The following GAREM1 variants were observed in gnomAD, a reference collection of about 807,000 sequenced individuals.
GAREM1 encodes the protein GRB2-associated and regulator of MAPK protein 1.
In GAREM1, 26 loss-of-function variants were observed where a neutral mutation model predicts 71.3. The observed-to-expected ratio is 0.36, with a 90% CI of 0.27 to 0.51. GAREM1 has a LOEUF of 0.51. Among genes scored for constraint, GAREM1 ranks in the 20% least tolerant of loss-of-function variants. The probability of loss-of-function intolerance (pLI) is 0.95; values close to 1 mark genes in which losing one functional copy is unlikely to be tolerated. For missense variants in GAREM1, 1,026 were observed against 1,103.1 expected, an observed-to-expected ratio of 0.93 and a Z score of 0.99; for synonymous variants, 440 against 433.2, an observed-to-expected ratio of 1.02 and a Z score of -0.20.
intron 2 of GAREM1, among the ~76,000 whole-genome samples, 167 bp from the exon 3 acceptor site, chr18:32,310,490 A>G (rs1460813803): frequency 6.6e-6 from 1 of 152,200 alleles, no homozygotes; most frequent in Non-Finnish European, 1.5e-5. Flanking sequence ...AAACTAGAAG[A>G]TAGATAGATT....
At chr18:32,320,646 T>C (rs2047420039) in intron 2 of GAREM1, among the ~76,000 whole-genome samples, 1 of 152,214 alleles carries the variant, frequency 6.6e-6, no homozygotes, top group African/African-American at 2.4e-5. Flanking sequence ...TGAGATTTTA[T>C]AAAGCAAGTG....
At chr18:32,332,664 AC>A (rs1485974004) in intron 2 of GAREM1, among the ~76,000 whole-genome samples, 1 of 152,088 alleles carries the variant, frequency 6.6e-6, no homozygotes, top group Non-Finnish European at 1.5e-5. Flanking sequence ...CCTGCCTATC[AC>A]CAAGCCCACC....
intron 3 of GAREM1, among the ~76,000 whole-genome samples, chr18:32,295,678 T>C (rs1271146987): frequency 6.6e-6 from 1 of 152,254 alleles, no homozygotes; most frequent in African/African-American, 2.4e-5. Context: ...TCAACAACAG[T>C]ACTATAAAAA....
chr18:32,314,877 G>A (rs762713439), intron 2 of GAREM1, among the ~76,000 whole-genome samples: 5 of 152,088 alleles, frequency 3.3e-5, no homozygotes, highest in African/African-American at 4.8e-5. Flanking sequence ...GTGAGCCACC[G>A]CGCCCTGCCA....
intron 2 of GAREM1, among the ~76,000 whole-genome samples, chr18:32,379,465 G>T (rs1484750562): frequency 2.4e-5 from 3 of 127,222 alleles, no homozygotes; most frequent in East Asian, 3.0e-4. Flanking sequence ...GAGGCCGGGG[G>T]GGGTGGGGGG....
At chr18:32,441,881 C>G (rs1205938149) in intron 1 of GAREM1, among the ~76,000 whole-genome samples, 1 of 152,178 alleles carries the variant, frequency 6.6e-6, no homozygotes, top group Non-Finnish European at 1.5e-5. Context: ...CCTACCAAGT[C>G]CCTTGGAAGG....
intron 1 of GAREM1, among the ~76,000 whole-genome samples, chr18:32,434,977 G>A (rs929934480): frequency 6.6e-6 from 1 of 152,068 alleles, no homozygotes; most frequent in African/African-American, 2.4e-5. Context: ...TTGACATCAC[G>A]TATCCCTAAC....
chr18:32,273,838 T>C (rs763879858), intron 4 of GAREM1, among the ~76,000 whole-genome samples: 1 of 152,150 alleles, frequency 6.6e-6, no homozygotes, highest in African/African-American at 2.4e-5. Flanking sequence ...TCTGTTGTGA[T>C]GGGAGGGCAG....
At chr18:32,438,645 G>A (rs555765257) in intron 1 of GAREM1, among the ~76,000 whole-genome samples, 48 of 152,284 alleles carry the variant, frequency 3.2e-4, no homozygotes, top group African/African-American at 1.1e-3. Flanking sequence ...AACTTGGGCT[G>A]ATTTATAAGT....
chr18:32,442,174 T>G (rs1266175152), intron 1 of GAREM1, among the ~76,000 whole-genome samples: 5 of 152,172 alleles, frequency 3.3e-5, no homozygotes, highest in African/African-American at 1.2e-4. Flanking sequence ...TATGGCTTGA[T>G]ACAATGCCCA....
intron 2 of GAREM1, among the ~76,000 whole-genome samples, chr18:32,333,464 T>C (rs1228907911): frequency 1.3e-5 from 2 of 152,132 alleles, no homozygotes; most frequent in South Asian, 2.1e-4. Context: ...AGCTGTTATG[T>C]CAGAAGCCAA....
chr18:32,438,769 T>G lies in GAREM1; in HGVS notation c.121+31539A>C, dbSNP rs143207559. Among the ~76,000 whole-genome samples, 570 of 152,342 alleles carry G rather than the reference T, an allele frequency of 3.7e-3. 3 individuals are homozygous for G. The highest frequency in any genetic ancestry group is 0.013 in the African/African-American group (555 of 41,568). The stretch of plus-strand genomic sequence containing the variant: ...ATAACATTACCTTCCGAGATTGCTT[T>G]CAAGATATAGGACTGCTAAGAAACA... On this transcript the variant is annotated intron_variant, in intron 1 of 5. Transcript: ENST00000269209.
At position 32,268,184 on chromosome 18, in the gene GAREM1, A is replaced by G. The variant is rs1173879657; in HGVS notation, c.2318T>C (p.Met773Thr). Residue 773 changes from methionine to threonine, a missense_variant, in exon 6 of 6, where the codon ATG becomes ACG. By Grantham distance (81) the Met-to-Thr change is moderately conservative. This residue lies in a region of GAREM1 where 636 missense variants were observed against 631.2 expected (regional missense o/e 1.01). Coordinates refer to ENST00000269209, the MANE Select transcript of GAREM1 (RefSeq NM_001242409.2). ...GTAGGAGGCAGAGAAGATGTCCTGC[A>G]TGCCCTTTTTAACAAAATACTGGTC... The part of the protein sequence containing the change: ...SEDQYFVKKG[M>T]QDIFSASYPF... 2 of 1,614,008 alleles carry G rather than the reference A, an allele frequency of 1.2e-6. No individual in the cohort carries two copies. Among genetic ancestry groups the G allele is most frequent in the East Asian group, 2.2e-5 (1 of 44,892 alleles).
chr18:32,308,045 C>G (rs1419843651), intron 3 of GAREM1, among the ~76,000 whole-genome samples: 1 of 152,132 alleles, frequency 6.6e-6, no homozygotes, highest in Non-Finnish European at 1.5e-5. Context: ...TTTAATGATT[C>G]ATGCAAGCTA....
At chr18:32,432,954 T>G in intron 1 of GAREM1, among the ~76,000 whole-genome samples, 1 of 152,004 alleles carries the variant, frequency 6.6e-6, no homozygotes, top group African/African-American at 2.4e-5. Flanking sequence ...GGGCCAGCAT[T>G]ACCATGTTAC....
At chr18:32,270,070 C>T in intron 5 of GAREM1, 147 bp downstream of exon 5, 6 of 863,388 alleles carry the variant, frequency 6.9e-6, no homozygotes, top group South Asian at 6.7e-5. Context: ...CCATCATGCT[C>T]ACTCAGTAAA....
At chr18:32,313,792 T>C (rs2047349120) in intron 2 of GAREM1, among the ~76,000 whole-genome samples, 1 of 152,096 alleles carries the variant, frequency 6.6e-6, no homozygotes, top group Non-Finnish European at 1.5e-5. Flanking sequence ...TCCTCTACTT[T>C]GGGGCAAAAA....
intron 2 of GAREM1, among the ~76,000 whole-genome samples, chr18:32,356,476 G>A (rs2047806541): frequency 6.6e-6 from 1 of 151,984 alleles, no homozygotes; most frequent in Admixed American, 6.6e-5. Flanking sequence ...CCTATTTAAT[G>A]ACCCAATAGG....
chr18:32,382,385 C>T (rs1010542691), intron 2 of GAREM1, among the ~76,000 whole-genome samples: 3 of 151,940 alleles, frequency 2.0e-5, no homozygotes, highest in Non-Finnish European at 4.4e-5. Context: ...GTGGTTGGGG[C>T]AGGATTTCTC....
Sources: gnomAD v4.1 joint callset for allele counts (sites outside exome capture counted in the v4.1 genomes callset) on GRCh38, gnomAD v4.1.1 for gene constraint, gnomAD v4.1.1 regional missense constraint, MANE v1.5 for transcripts, NCBI Gene and HGNC (gene_info 2026-07-23, HGNC 2026-07-21) for gene names.